The following NELL1 variants were observed in gnomAD, a reference collection of about 807,000 sequenced individuals.
NELL1 encodes the protein protein kinase C-binding protein NELL1.
In NELL1, 76 loss-of-function variants were observed where a neutral mutation model predicts 107.4. That is an observed-to-expected ratio of 0.71 (90% CI 0.59 to 0.86). The LOEUF (loss-of-function observed/expected upper bound fraction) is 0.86, where lower values mean the gene tolerates loss of function less well. Ranked by LOEUF, NELL1 falls within the 40% of genes least tolerant of loss-of-function variation. NELL1 has a pLI of 0.00. For missense variants in NELL1, 1,024 were observed against 1,005.5 expected (o/e 1.02, Z -0.25); for synonymous variants, 353 against 341.2 (o/e 1.03, Z -0.38).
intron 15 of NELL1, among the ~76,000 whole-genome samples, chr11:21,451,103 C>T (rs1433272340): frequency 6.9e-6 from 1 of 144,086 alleles, no homozygotes. Flanking sequence ...AGGAGAACGG[C>T]GTGAACCCGG....
At chr11:21,088,907 A>G (rs1386617495) in intron 12 of NELL1, among the ~76,000 whole-genome samples, 1 of 152,206 alleles carries the variant, frequency 6.6e-6, no homozygotes, top group Non-Finnish European at 1.5e-5. Context: ...GATCAATTAT[A>G]TGGGTAGCCT....
intron 14 of NELL1, among the ~76,000 whole-genome samples, chr11:21,312,842 C>T (rs1849778768): frequency 6.6e-6 from 1 of 152,068 alleles, no homozygotes; most frequent in South Asian, 2.1e-4. Flanking sequence ...ACCTAAATGT[C>T]ACTGCATTTA....
At chr11:21,393,690 A>C (rs1361420651) in intron 15 of NELL1, among the ~76,000 whole-genome samples, 1 of 151,714 alleles carries the variant, frequency 6.6e-6, no homozygotes, top group Admixed American at 6.6e-5. Flanking sequence ...GATAGATTAG[A>C]AACTCATGAA....
At chr11:20,723,469 C>A (rs1855438696) in intron 2 of NELL1, among the ~76,000 whole-genome samples, 1 of 152,188 alleles carries the variant, frequency 6.6e-6, no homozygotes, top group South Asian at 2.1e-4. Flanking sequence ...AATCTTAAAG[C>A]TCCAGAGTAA....
intron 15 of NELL1, among the ~76,000 whole-genome samples, chr11:21,459,783 A>G (rs1853851756): frequency 6.6e-6 from 1 of 152,072 alleles, no homozygotes. Flanking sequence ...AATGTGAGGT[A>G]GAGGAGAGGT....
chr11:21,406,549 A>G (rs1852240986), intron 15 of NELL1, among the ~76,000 whole-genome samples: 3 of 152,052 alleles, frequency 2.0e-5, no homozygotes, highest in Admixed American at 2.0e-4. Flanking sequence ...AATGCAGTTA[A>G]GATAAATTGA....
chr11:21,321,937 CT>C (rs2133667637), intron 14 of NELL1, among the ~76,000 whole-genome samples: 1 of 152,308 alleles, frequency 6.6e-6, no homozygotes, highest in African/African-American at 2.4e-5. Context: ...CTTCTATACT[CT>C]ATTGTTTCTA....
At chr11:21,072,709 T>C (rs1018852727) in intron 12 of NELL1, among the ~76,000 whole-genome samples, 1 of 152,140 alleles carries the variant, frequency 6.6e-6, no homozygotes, top group Admixed American at 6.5e-5. Context: ...AAAGAGGAAC[T>C]GAAAAAGAAG....
chr11:20,965,139 C>A (rs752282250), intron 12 of NELL1, among the ~76,000 whole-genome samples: 1 of 152,152 alleles, frequency 6.6e-6, no homozygotes, highest in African/African-American at 2.4e-5. Context: ...TACCAAGGTA[C>A]AAATTGTTGA....
intron 15 of NELL1, among the ~76,000 whole-genome samples, chr11:21,495,788 T>C (rs1854961913): frequency 6.6e-6 from 1 of 152,224 alleles, no homozygotes; most frequent in South Asian, 2.1e-4. Context: ...TATATGCTTA[T>C]TGGCCATTTG....
chr11:21,466,196 A>T (rs904345966), intron 15 of NELL1, among the ~76,000 whole-genome samples: 1 of 152,154 alleles, frequency 6.6e-6, no homozygotes, highest in African/African-American at 2.4e-5. Flanking sequence ...TTCCAGCACA[A>T]TGCATTGCCC....
chr11:20,823,718 A>G (rs1222599099), intron 3 of NELL1, among the ~76,000 whole-genome samples: 3 of 151,174 alleles, frequency 2.0e-5, no homozygotes, highest in African/African-American at 7.3e-5. Flanking sequence ...AGTATGTGGG[A>G]ATCACAGGAG....
chr11:20,836,324 A>G lies in NELL1; in HGVS notation c.336-11259A>G, dbSNP rs80061523. ...CAATTGCTGGTGGGAATGAATAGCA[A>G]CAGGAATCCTTGTTTATTGCTGGTC... On this transcript the variant is annotated intron_variant, in intron 3 of 19. Transcript: ENST00000357134. Among the ~76,000 whole-genome samples, 307 of 152,068 alleles carry G rather than the reference A, an allele frequency of 2.0e-3. 1 individual carries two copies. Among genetic ancestry groups the G allele is most frequent in the African/African-American group, 7.2e-3 (299 of 41,542 alleles).
chr11:21,121,636 A>T (rs202239720), intron 13 of NELL1, among the ~76,000 whole-genome samples: 2 of 152,086 alleles, frequency 1.3e-5, no homozygotes, highest in Non-Finnish European at 2.9e-5. Context: ...CATTTCAGTG[A>T]CCCCACTATC....
chr11:20,669,645 C>T lies in NELL1; in HGVS notation c.-79C>T. 1 of 1,303,820 alleles carries T rather than the reference C, an allele frequency of 7.7e-7. No individual in the cohort carries two copies. The highest frequency in any genetic ancestry group is 1.1e-6 in the Non-Finnish European group (1 of 907,816). The allele number at this position is 1,303,820 out of a possible 1,614,324, so 80.8% of individuals were successfully genotyped here. On this transcript the variant is annotated 5_prime_UTR_variant, in exon 1 of 20. Transcript: ENST00000357134. The surrounding 1 kb of genome is among the most constrained non-coding windows in gnomAD (Gnocchi z 4.4). ...GCTAGCAAGTTTGGCGGCTCCAAGC[C>T]AGGCGCGCCTCAGGATCCAGGCTCA...
intron 15 of NELL1, among the ~76,000 whole-genome samples, chr11:21,447,787 T>A (rs1176173739): frequency 6.6e-6 from 1 of 152,038 alleles, no homozygotes; most frequent in African/African-American, 2.4e-5. Flanking sequence ...TGGCTGTGAG[T>A]CCATTACAAC....
chr11:20,891,067 C>T (rs1849607315), intron 5 of NELL1, among the ~76,000 whole-genome samples: 3 of 152,004 alleles, frequency 2.0e-5, no homozygotes, highest in South Asian at 2.1e-4. Context: ...ATCAGCTTCA[C>T]GAAGGTTGAA....
intron 12 of NELL1, among the ~76,000 whole-genome samples, chr11:21,098,514 A>C (rs1275375626): frequency 1.3e-5 from 2 of 152,176 alleles, no homozygotes; most frequent in African/African-American, 4.8e-5. Flanking sequence ...TCTCACCCTC[A>C]GAAACTCATA....
intron 2 of NELL1, among the ~76,000 whole-genome samples, chr11:20,762,001 A>G (rs1347482611): frequency 6.6e-6 from 1 of 152,198 alleles, no homozygotes; most frequent in African/African-American, 2.4e-5. Context: ...TGCCTTAAAT[A>G]TCTTTCCAGG....
Sources: allele counts gnomAD v4.1 joint callset (sites outside exome capture counted in the v4.1 genomes callset), GRCh38; gene constraint gnomAD v4.1.1; non-coding constraint Gnocchi (gnomAD v3.1); transcripts MANE v1.5; gene names NCBI Gene and HGNC (gene_info 2026-07-23, HGNC 2026-07-21).